ZFHX3: variants seen among roughly 807,000 people sequenced by gnomAD.
ZFHX3 encodes zinc finger homeobox protein 3.
ZFHX3 carries 42 observed loss-of-function variants against 279.1 expected under a neutral mutation model. That is an observed-to-expected ratio of 0.15 (90% confidence interval 0.12 to 0.19). The LOEUF is 0.19. Ranked by LOEUF, ZFHX3 falls within the 10% of genes least tolerant of loss-of-function variation. The pLI, the probability that ZFHX3 is intolerant of heterozygous loss-of-function variation, is 1.00. For missense variants in ZFHX3, 4,981 were observed against 4,754.0 expected, an observed-to-expected ratio of 1.05 and a Z score of -1.40; for synonymous variants, 2,293 against 1,957.8, an observed-to-expected ratio of 1.17 and a Z score of -4.52.
intron 2 of ZFHX3, among the ~76,000 whole-genome samples, chr16:73,635,486 G>C (rs150352029): frequency 1.8e-4 from 28 of 152,312 alleles, no homozygotes; most frequent in African/African-American, 3.6e-4. Context: ...ATTTTGTGAG[G>C]GGAGCTGATG....
chr16:73,099,582 G>C (rs1314024937), intron 7 of ZFHX3, among the ~76,000 whole-genome samples: 1 of 151,810 alleles, frequency 6.6e-6, no homozygotes, highest in Non-Finnish European at 1.5e-5. Flanking sequence ...GTGGTTGCAG[G>C]CACCTTTAAT....
chr16:73,417,046 C>A (rs1361005590), intron 3 of ZFHX3, among the ~76,000 whole-genome samples: 5 of 152,056 alleles, frequency 3.3e-5, no homozygotes, highest in African/African-American at 1.2e-4. Flanking sequence ...GCCAAACTGA[C>A]ATCACGCACC....
At chr16:73,767,216 T>C (rs1260540985) in intron 1 of ZFHX3, among the ~76,000 whole-genome samples, 1 of 152,114 alleles carries the variant, frequency 6.6e-6, no homozygotes, top group East Asian at 1.9e-4. Flanking sequence ...GGATCGCAGG[T>C]GTGAGCCACT....
chr16:73,760,282 T>G (rs1385751945), intron 1 of ZFHX3, among the ~76,000 whole-genome samples: 1 of 152,088 alleles, frequency 6.6e-6, no homozygotes, highest in East Asian at 1.9e-4. Context: ...GTTCTGAAAT[T>G]GAGGCAGTAA....
At chr16:73,541,432 G>A (rs997529946) in intron 2 of ZFHX3, among the ~76,000 whole-genome samples, 2 of 152,172 alleles carry the variant, frequency 1.3e-5, no homozygotes, top group South Asian at 2.1e-4. Flanking sequence ...GCTACAGTGA[G>A]CTGTGATCAC....
intron 3 of ZFHX3, among the ~76,000 whole-genome samples, chr16:72,891,099 G>A (rs2038762566): frequency 1.3e-5 from 2 of 152,094 alleles, no homozygotes. Flanking sequence ...CCCCAAATTA[G>A]GTTTTCACCT....
At position 73,466,025 on chromosome 16, in the gene ZFHX3, T is replaced by C. The variant is rs114318142; in HGVS notation, c.-1546-9767A>G. On this transcript the variant is annotated intron_variant, in intron 2 of 17. Transcript: ENST00000641206. The stretch of plus-strand genomic sequence containing the variant: ...AAGAAAATGTGGTAAAACACAAGAA[T>C]GTCGGTGAACCCTTGGGGTCTGAAG... Among the ~76,000 whole-genome samples, 314 of 147,698 alleles carry C rather than the reference T, an allele frequency of 2.1e-3. 2 individuals carry two copies. The highest frequency in any genetic ancestry group is 7.3e-3 in the African/African-American group (293 of 40,084).
intron 2 of ZFHX3, among the ~76,000 whole-genome samples, chr16:73,622,726 C>A (rs1004663248): frequency 2.6e-5 from 4 of 152,158 alleles, no homozygotes; most frequent in African/African-American, 2.4e-5. Flanking sequence ...TATCGCCCCC[C>A]CAACCTACAG....
chr16:73,782,790 CT>C (rs2142305679), intron 1 of ZFHX3, among the ~76,000 whole-genome samples: 1 of 152,306 alleles, frequency 6.6e-6, no homozygotes, highest in Non-Finnish European at 1.5e-5. Flanking sequence ...ACCTGAAAGA[CT>C]GGGTCCCTGA....
At chr16:72,993,192 T>A (rs1597065890) in intron 1 of ZFHX3, among the ~76,000 whole-genome samples, 1 of 151,664 alleles carries the variant, frequency 6.6e-6, no homozygotes, top group South Asian at 2.1e-4. Context: ...TGAAGACAGG[T>A]CCCCCGGCCT....
At chr16:73,723,005 A>G (rs546108491) in intron 1 of ZFHX3, among the ~76,000 whole-genome samples, 1 of 152,322 alleles carries the variant, frequency 6.6e-6, no homozygotes, top group East Asian at 1.9e-4. Context: ...GTGGTCTTCA[A>G]GCTAAATGCT....
intron 3 of ZFHX3, among the ~76,000 whole-genome samples, chr16:73,419,932 G>T (rs147248443): frequency 0.15 from 22,210 of 150,950 alleles, 2,216 homozygotes; most frequent in Middle Eastern, 0.26. Flanking sequence ...CTGGAGACAG[G>T]GTCTCACTCT....
At chr16:73,795,172 T>C (rs180773363) in intron 1 of ZFHX3, among the ~76,000 whole-genome samples, 70 of 152,056 alleles carry the variant, frequency 4.6e-4, no homozygotes, top group African/African-American at 1.7e-3. Context: ...CAGCCAGGAG[T>C]CTGGGAGGAG....
At chr16:73,429,819 C>T (rs76292948) in intron 3 of ZFHX3, among the ~76,000 whole-genome samples, 1,677 of 152,276 alleles carry the variant, frequency 0.011, 36 homozygotes, top group African/African-American at 0.038. Context: ...AAACCATCCT[C>T]GCTCCCCCAC....
intron 5 of ZFHX3, among the ~76,000 whole-genome samples, chr16:73,171,570 T>C (rs1422815201): frequency 1.6e-4 from 24 of 152,014 alleles, no homozygotes; most frequent in Admixed American, 1.5e-3. Flanking sequence ...GGGGAATCTG[T>C]GTTCCTGCAG....
At chr16:73,422,297 G>A (rs2017732852) in intron 3 of ZFHX3, among the ~76,000 whole-genome samples, 1 of 151,530 alleles carries the variant, frequency 6.6e-6, no homozygotes, top group Non-Finnish European at 1.5e-5. Flanking sequence ...AATGGCTCCA[G>A]CATATCCTAA....
At chr16:73,601,729 C>A (rs2052120389) in intron 2 of ZFHX3, among the ~76,000 whole-genome samples, 1 of 152,064 alleles carries the variant, frequency 6.6e-6, no homozygotes, top group Non-Finnish European at 1.5e-5. Context: ...ACTTCTAGAG[C>A]TTTTTTCAAT....
intron 3 of ZFHX3, among the ~76,000 whole-genome samples, chr16:73,338,129 C>T (rs1057505959): frequency 3.3e-5 from 5 of 152,162 alleles, no homozygotes; most frequent in Admixed American, 3.3e-4. Context: ...AGCATCAGAA[C>T]GTGCTGAAGA....
Position 72,797,210 on chromosome 16 carries a change from C to G in ZFHX3, c.5472G>C (p.Leu1824=). Reference sequence around the variant, plus strand: ...CCAGCAGGCCTGGGCCTGTCCCAGTCAGTGTCAGTGCCCCACTGGTCACTG... The same window carrying G: ...CCAGCAGGCCTGGGCCTGTCCCAGTGAGTGTCAGTGCCCCACTGGTCACTG... The part of the protein sequence containing the change: ...SLPVTSGALT[L]TGTGPGLLED... The change falls in exon 9 of 10, where the codon CTG becomes CTC. Residue 1824 remains leucine (L), a synonymous_variant. Coordinates refer to ENST00000268489, the MANE Select transcript of ZFHX3 (RefSeq NM_006885.4). The G allele has an allele frequency of 6.2e-7, 1 of 1,613,984 alleles. No individual in the cohort carries two copies. The highest frequency in any genetic ancestry group is 1.3e-5 in the African/African-American group (1 of 75,000).
Sources: allele counts gnomAD v4.1 joint callset (sites outside exome capture counted in the v4.1 genomes callset), GRCh38; gene constraint gnomAD v4.1.1; transcripts MANE v1.5; gene names NCBI Gene and HGNC (gene_info 2026-07-23, HGNC 2026-07-21).